MTOR: variants seen among roughly 807,000 people sequenced by gnomAD.
MTOR encodes the protein mechanistic target of rapamycin kinase, also known as serine/threonine-protein kinase mTOR.
In MTOR, 70 loss-of-function variants were observed where a neutral mutation model predicts 319.8. The ratio of observed to expected loss-of-function variants is 0.22; its 90% CI spans 0.18 to 0.27. The LOEUF (loss-of-function observed/expected upper bound fraction) is 0.27, where lower values mean the gene tolerates loss of function less well. MTOR is among the 10% of genes least tolerant of loss of function. The pLI, the probability that MTOR is intolerant of heterozygous loss-of-function variation, is 1.00. For missense variants in MTOR, 1,890 were observed against 3,274.4 expected, an observed-to-expected ratio of 0.58 and a Z score of 10.32; for synonymous variants, 1,183 against 1,211.4, an observed-to-expected ratio of 0.98 and a Z score of 0.49.
intron 8 of MTOR, 92 bp downstream of exon 8, chr1:11,247,533 G>A (rs1204625247): frequency 9.2e-6 from 10 of 1,092,208 alleles, no homozygotes; most frequent in Non-Finnish European, 1.2e-5. Flanking sequence ...TGTTGGCGTT[G>A]CTTCAAAGGA....
chr1:11,168,121 A>G (rs1557797059), intron 28 of MTOR, among the ~76,000 whole-genome samples: 1 of 151,868 alleles, frequency 6.6e-6, no homozygotes, highest in Non-Finnish European at 1.5e-5. Flanking sequence ...GCCGGCAGGC[A>G]GGCAACATGT....
chr1:11,228,221 C>T (rs1029762058), intron 19 of MTOR, among the ~76,000 whole-genome samples: 1 of 151,816 alleles, frequency 6.6e-6, no homozygotes, highest in African/African-American at 2.4e-5. Context: ...CAGAGTCTCA[C>T]TCTGTCGTCC....
intron 19 of MTOR, among the ~76,000 whole-genome samples, chr1:11,219,637 C>G (rs1646592593): frequency 6.6e-6 from 1 of 152,090 alleles, no homozygotes; most frequent in Non-Finnish European, 1.5e-5. Flanking sequence ...CATGACTTCT[C>G]AGAAACAATA....
chr1:11,248,518 A>G (rs1278934390), intron 6 of MTOR, among the ~76,000 whole-genome samples: 1 of 152,210 alleles, frequency 6.6e-6, no homozygotes, highest in African/African-American at 2.4e-5. Context: ...AACCCAGGTA[A>G]AAACTTATGC....
At chr1:11,218,639 G>A (rs1256497684) in intron 19 of MTOR, among the ~76,000 whole-genome samples, 2 of 152,008 alleles carry the variant, frequency 1.3e-5, no homozygotes, top group Admixed American at 1.3e-4. Flanking sequence ...ATTTTATTAG[G>A]CATGATTAGG....
chr1:11,106,971 T>C lies in MTOR; in HGVS notation c.*514A>G, dbSNP rs1177545784. On this transcript the variant is annotated 3_prime_UTR_variant, in exon 58 of 58. Coordinates refer to ENST00000361445, the MANE Select transcript of MTOR (RefSeq NM_004958.4). ...TGGCCTATCTTGCAAACATTTCTGC[T>C]GCTGTCCACAGACCAGTGAGGTCTT... 4.4e-6 allele frequency: 6 copies of C among 1,370,584 alleles called. No individual in the cohort carries two copies. The highest frequency in any genetic ancestry group is 5.8e-6 in the Non-Finnish European group (6 of 1,038,824). The allele number at this position is 1,370,584 out of a possible 1,614,324, so 84.9% of individuals were successfully genotyped here. A position where few individuals can be genotyped will look rare whatever the true frequency, so the allele number is the denominator to read the frequency against.
chr1:11,110,241 G>A (rs1641788521), intron 54 of MTOR, among the ~76,000 whole-genome samples: 1 of 152,134 alleles, frequency 6.6e-6, no homozygotes, highest in African/African-American at 2.4e-5. Flanking sequence ...TTCCTTGGAG[G>A]AATTTTCATA....
chr1:11,139,075 A>G, intron 36 of MTOR: 1 of 532,068 alleles, frequency 1.9e-6, no homozygotes, highest in Non-Finnish European at 3.2e-6. Context: ...AATACATATA[A>G]CTGTGATCAC....
intron 49 of MTOR, among the ~76,000 whole-genome samples, chr1:11,118,451 G>T (rs1238347974): frequency 5.3e-5 from 8 of 151,342 alleles, no homozygotes; most frequent in African/African-American, 1.9e-4. Flanking sequence ...TGGTCAGGCT[G>T]GTCTTGAACT....
At position 11,144,653 on chromosome 1, in the gene MTOR, G is replaced by A. The variant is rs375937335; in HGVS notation, c.4867C>T (p.Leu1623=). The change falls in exon 34 of 58, where the codon CTG becomes TTG. Residue 1623 remains leucine, a synonymous_variant. Coordinates refer to ENST00000361445, the MANE Select transcript of MTOR (RefSeq NM_004958.4). ...EIIRQIWWER[L]QGCQRIVEDW... ...GGGCTTTCTACCAAGCTCACCTGCA[G>A]TCTCTCCCACCAGATCTGGCGGATG... 3.7e-6 allele frequency: 6 copies of A among 1,614,088 alleles called. No individual in the cohort carries two copies. The highest frequency in any genetic ancestry group is 5.1e-6 in the Non-Finnish European group (6 of 1,179,980).
At chr1:11,231,526 T>TA in intron 16 of MTOR, 92 bp from the exon 17 acceptor site, 1 of 1,472,762 alleles carries the variant, frequency 6.8e-7, no homozygotes, top group Non-Finnish European at 9.1e-7. Flanking sequence ...AATGAAGTGT[T>TA]AGAGGCTGTA....
At chr1:11,256,909 G>A (rs2100977905) in intron 4 of MTOR, 24 bp downstream of exon 4, 3 of 1,605,968 alleles carry the variant, frequency 1.9e-6, no homozygotes, top group Non-Finnish European at 1.7e-6. Flanking sequence ...AAGCCTGGCT[G>A]TGCTCCTCCC....
intron 24 of MTOR, 95 bp from the exon 25 acceptor site, chr1:11,209,553 G>A: frequency 1.4e-6 from 2 of 1,432,780 alleles, no homozygotes; most frequent in Admixed American, 2.0e-5. Context: ...AGACCTGGTA[G>A]AGCCAGGATT....
At chr1:11,259,529 CA>C in intron 1 of MTOR, 106 bp from the exon 2 acceptor site, 1 of 1,268,364 alleles carries the variant, frequency 7.9e-7, no homozygotes. Context: ...CCTTGTCAGG[CA>C]GGGGATTCTA....
chr1:11,160,723 T>G (rs995133244), intron 29 of MTOR, among the ~76,000 whole-genome samples: 1 of 152,236 alleles, frequency 6.6e-6, no homozygotes, highest in East Asian at 1.9e-4. Flanking sequence ...GCCAGGCACA[T>G]GCTAAGAGTT....
At chr1:11,172,030 CAAAAA>C (rs1314310546) in intron 28 of MTOR, among the ~76,000 whole-genome samples, 1 of 84,728 alleles carries the variant, frequency 1.2e-5, no homozygotes. Context: ...AACTCCATCT[CAAAAA>C]AAAAAAAAAA....
intron 38 of MTOR, 145 bp downstream of exon 38, chr1:11,132,935 C>A: frequency 1.5e-6 from 1 of 668,756 alleles, no homozygotes; most frequent in Non-Finnish European, 2.6e-6. Context: ...CTCCCTGGGC[C>A]TCTTATAGAT....
intron 13 of MTOR, among the ~76,000 whole-genome samples, chr1:11,236,536 T>C (rs958195398): frequency 2.2e-5 from 3 of 136,778 alleles, no homozygotes; most frequent in Admixed American, 7.7e-5. Flanking sequence ...TGAGACAGAG[T>C]CTCGCTCTGT....
Position 11,115,589 on chromosome 1 carries a change from C to T in MTOR, c.7017-121G>A, listed in dbSNP as rs1477518137. 1 of 803,458 alleles carries T rather than the reference C, an allele frequency of 1.2e-6. No individual in the cohort carries two copies. The highest frequency in any genetic ancestry group is 2.0e-5 in the Admixed American group (1 of 50,038). 49.8% of individuals were successfully genotyped at this position (803,458 alleles called of 1,614,324 possible). A position where few individuals can be genotyped will look rare whatever the true frequency, so the allele number is the denominator to read the frequency against. ...ACGATAGCCCTCAGCCAATCCAGCC[C>T]CTCCACCTCCACTTCTGCAAGTCCA... On this transcript the variant is annotated intron_variant, in intron 50 of 57. Coordinates refer to ENST00000361445, the MANE Select transcript of MTOR (RefSeq NM_004958.4). The surrounding 1 kb of genome is among the most constrained non-coding windows in gnomAD (Gnocchi z 4.5).
Sources: allele counts gnomAD v4.1 joint callset (sites outside exome capture counted in the v4.1 genomes callset), GRCh38; gene constraint gnomAD v4.1.1; non-coding constraint Gnocchi (gnomAD v3.1); transcripts MANE v1.5; gene names NCBI Gene and HGNC (gene_info 2026-07-23, HGNC 2026-07-21).